Variants in SCN11A observed in about 807,000 individuals in gnomAD.
SCN11A encodes sodium voltage-gated channel alpha subunit 11.
A neutral mutation model predicts 162.2 loss-of-function variants in SCN11A; 122 were observed. The ratio of observed to expected loss-of-function variants is 0.75; its 90% CI spans 0.65 to 0.87. The LOEUF is 0.87. SCN11A is among the 40% of genes least tolerant of loss of function. The pLI is 0.00. For missense variants in SCN11A, 2,015 were observed against 2,181.6 expected (o/e 0.92, Z 1.52); for synonymous variants, 758 against 751.5 (o/e 1.01, Z -0.14).
rs192733838 is a variant in SCN11A at position 38,950,976 on chromosome 3, G to A, written c.-7-607C>T. On this transcript the variant is annotated intron_variant, in intron 4 of 29. Transcript: ENST00000302328. The stretch of plus-strand genomic sequence containing the variant: ...GACTTCGACCCTAAGAAAGTGAGAG[G>A]TGACAGCGTGCTGGCAGTCCTCACA... 1.8e-3 allele frequency among the ~76,000 whole-genome samples: 275 copies of A among 152,380 alleles called. 1 individual carries two copies. The highest frequency in any genetic ancestry group is 2.5e-3 in the Non-Finnish European group (167 of 68,044).
intron 25 of SCN11A, 133 bp downstream of exon 25, chr3:38,871,312 G>A: frequency 1.1e-6 from 1 of 879,418 alleles, no homozygotes; most frequent in Non-Finnish European, 1.7e-6. Context: ...GAAGGCATTG[G>A]CTTTCATATA....
chr3:38,863,737 G>A (rs1196777091), intron 27 of SCN11A, among the ~76,000 whole-genome samples: 2 of 151,600 alleles, frequency 1.3e-5, no homozygotes, highest in East Asian at 1.9e-4. Context: ...AATCTGTTCA[G>A]AGCCACTCTC....
At chr3:39,005,376 A>G (rs576062369) in intron 2 of SCN11A, among the ~76,000 whole-genome samples, 130 of 152,346 alleles carry the variant, frequency 8.5e-4, no homozygotes, top group Middle Eastern at 6.8e-3. Flanking sequence ...ATTCTGTACT[A>G]GGATCTCCCC....
In SCN11A at chr3:38,847,501, A is replaced by AT. The variant is rs1559483006; in HGVS notation, c.4568dup (p.Asn1523LysfsTer8). ...ATATGTCATCGATTCCAGACTCTGG[A>AT]TTCACTTTGGAAAACCAGTTCATAC... On this transcript the variant is annotated frameshift_variant, in exon 30 of 30. Coordinates refer to ENST00000302328, the MANE Select transcript of SCN11A (RefSeq NM_001349253.2). LOFTEE classifies it low-confidence loss of function (END_TRUNC). 1 of 1,614,220 alleles carries AT rather than the reference A, an allele frequency of 6.2e-7. No homozygotes were observed. The highest frequency in any genetic ancestry group is 2.2e-5 in the East Asian group (1 of 44,890).
intron 1 of SCN11A, among the ~76,000 whole-genome samples, chr3:39,048,511 A>G (rs2032238890): frequency 6.6e-6 from 1 of 152,234 alleles, no homozygotes; most frequent in African/African-American, 2.4e-5. Flanking sequence ...AATAGCTAAA[A>G]GAGTGGATAT....
In SCN11A at chr3:38,946,881, C is replaced by T. The variant is rs769079168; in HGVS notation, c.294G>A (p.Arg98=). The T allele has an allele frequency of 1.6e-5, 25 of 1,612,784 alleles. No individual in the cohort carries two copies. The highest frequency in any genetic ancestry group is 2.0e-5 in the Non-Finnish European group (24 of 1,179,496). The change falls in exon 6 of 30, where the codon AGG becomes AGA. Residue 98 remains arginine, a synonymous_variant. Coordinates refer to ENST00000302328, the MANE Select transcript of SCN11A (RefSeq NM_001349253.2). The part of the protein sequence containing the change: ...HKTFMVLNRK[R]TIYRFSAKHA... ...GCTTGGCACTGAAGCGGTAGATTGT[C>T]CTCTTTCTGTTTAACACCATAAATG...
Position 38,921,164 on chromosome 3 carries a change from G to A in SCN11A, c.804C>T (p.Ala268=), listed in dbSNP as rs368150786. Reference sequence around the variant, plus strand: ...CCATGAAGAGCTGCTGACCTACCAGGGCAAAGATGCTGAGGCAAAAGAAGG... The same window carrying A: ...CCATGAAGAGCTGCTGACCTACCAGAGCAAAGATGCTGAGGCAAAAGAAGG... ...ILTFFCLSIF[A]LVGQQLFMGS... Residue 268 remains alanine (A), a synonymous_variant, in exon 10 of 30, where the codon GCC becomes GCT. Transcript: ENST00000302328. 10 of 1,613,942 alleles carry A rather than the reference G, an allele frequency of 6.2e-6. No homozygotes were observed. The highest frequency in any genetic ancestry group is 1.3e-5 in the African/African-American group (1 of 74,904).
chr3:39,032,276 C>T (rs1213364429), intron 2 of SCN11A, among the ~76,000 whole-genome samples, 104 bp downstream of exon 2: 1 of 152,140 alleles, frequency 6.6e-6, no homozygotes, highest in African/African-American at 2.4e-5. Context: ...CACTAACAGA[C>T]AGTGGTGGTT....
intron 14 of SCN11A, among the ~76,000 whole-genome samples, chr3:38,907,308 ATATGTGTGTGTGTG>A (rs1212602721): frequency 2.1e-4 from 7 of 33,876 alleles, no homozygotes; most frequent in Non-Finnish European, 5.2e-4. Flanking sequence ...ATACCAACAT[ATATGTGTGTGTGTG>A]TGTGTGTGTG....
chr3:38,945,026 A>AT (rs2066495466), intron 7 of SCN11A, among the ~76,000 whole-genome samples: 2 of 152,344 alleles, frequency 1.3e-5, no homozygotes, highest in South Asian at 4.1e-4. Context: ...TCCCATAACA[A>AT]TTTTTTACAA....
chr3:39,008,970 T>C (rs1183814988), intron 2 of SCN11A, among the ~76,000 whole-genome samples: 1 of 152,144 alleles, frequency 6.6e-6, no homozygotes, highest in Non-Finnish European at 1.5e-5. Flanking sequence ...TGAAACCTTA[T>C]TAGATAATTT....
rs114776882 is a variant in SCN11A, at chr3:38,953,923, A to G, written c.-138-164T>C. On this transcript the variant is annotated intron_variant, in intron 3 of 29. Coordinates refer to ENST00000302328, the MANE Select transcript of SCN11A (RefSeq NM_001349253.2). Reference sequence around the variant, plus strand: ...AAGAGGCATCCCAATTCATTACTTAAACGAGTTCAATACAACCAGCTTTTC... The same window carrying G: ...AAGAGGCATCCCAATTCATTACTTAGACGAGTTCAATACAACCAGCTTTTC... 5.1e-3 allele frequency among the ~76,000 whole-genome samples: 783 copies of G among 152,290 alleles called. 6 individuals carry two copies. Among genetic ancestry groups the G allele is most frequent in the African/African-American group, 0.018 (751 of 41,562 alleles).
intron 11 of SCN11A, among the ~76,000 whole-genome samples, chr3:38,919,047 T>C (rs1026091506): frequency 1.4e-4 from 21 of 152,214 alleles, no homozygotes; most frequent in African/African-American, 1.9e-4. Context: ...CTGAATACTG[T>C]AGGCAACTGT....
At chr3:38,895,936 A>C (rs77708201) in intron 18 of SCN11A, among the ~76,000 whole-genome samples, 10,627 of 152,118 alleles carry the variant, frequency 0.07, 1,249 homozygotes, top group African/African-American at 0.24. Flanking sequence ...GTAGAGAGTT[A>C]ATTATATTGC....
At chr3:38,941,314 T>C (rs560815639) in intron 7 of SCN11A, among the ~76,000 whole-genome samples, 59 of 152,328 alleles carry the variant, frequency 3.9e-4, no homozygotes, top group Non-Finnish European at 6.0e-4. Flanking sequence ...GAAACTCTAC[T>C]TCATAAATGA....
intron 2 of SCN11A, among the ~76,000 whole-genome samples, chr3:38,989,088 C>G (rs2030367634): frequency 6.6e-6 from 1 of 152,162 alleles, no homozygotes. Flanking sequence ...GCCTGGTTCT[C>G]CTGTGATGCT....
rs1303054231 is a variant in SCN11A at position 38,936,904 on chromosome 3, A to G, written c.488+8507T>C. On this transcript the variant is annotated intron_variant, in intron 7 of 29. Transcript: ENST00000302328. Reference sequence around the variant, plus strand: ...TTCATATGGAACCAAAAAAGAGCCCACATCACCAAGTCAATCCTAAGCCAA... The same window carrying G: ...TTCATATGGAACCAAAAAAGAGCCCGCATCACCAAGTCAATCCTAAGCCAA... Among the ~76,000 whole-genome samples the G allele has an allele frequency of 4.0e-3, 607 of 151,990 alleles. 4 individuals are homozygous for G. Among genetic ancestry groups the G allele is most frequent in the Middle Eastern group, 6.8e-3 (2 of 294 alleles).
intron 2 of SCN11A, among the ~76,000 whole-genome samples, chr3:39,010,813 T>C (rs2031109559): frequency 6.6e-6 from 1 of 152,164 alleles, no homozygotes; most frequent in Non-Finnish European, 1.5e-5. Flanking sequence ...ATTTGAGAAA[T>C]GGAAGATTGT....
At chr3:38,889,890 A>G (rs1022703674) in intron 19 of SCN11A, among the ~76,000 whole-genome samples, 3 of 151,504 alleles carry the variant, frequency 2.0e-5, no homozygotes, top group Non-Finnish European at 2.9e-5. Flanking sequence ...GCTGTTTAGT[A>G]TCATCAAAAA....
Sources: allele counts gnomAD v4.1 joint callset (sites outside exome capture counted in the v4.1 genomes callset), GRCh38; gene constraint gnomAD v4.1.1; transcripts MANE v1.5; gene names NCBI Gene and HGNC (gene_info 2026-07-23, HGNC 2026-07-21).